ZZEF1: variants seen among roughly 807,000 people sequenced by gnomAD.
ZZEF1 encodes zinc finger ZZ-type and EF-hand domain containing 1.
A neutral mutation model predicts 342.8 loss-of-function variants in ZZEF1; 157 were observed. That is an observed-to-expected ratio of 0.46 (90% CI 0.40 to 0.52). The LOEUF is 0.52. Ranked by LOEUF, ZZEF1 falls within the 20% of genes least tolerant of loss-of-function variation. ZZEF1 has a pLI of 0.00. For synonymous variants in ZZEF1, 1,505 were observed against 1,429.1 expected (o/e 1.05, Z -1.20); for missense variants, 3,480 against 3,725.6 (o/e 0.93, Z 1.72).
chr17:4,035,134 C>T (rs1271178931), intron 39 of ZZEF1, among the ~76,000 whole-genome samples: 1 of 152,112 alleles, frequency 6.6e-6, no homozygotes, highest in Non-Finnish European at 1.5e-5. Context: ...TACTTTGTTT[C>T]CAGTTCTTCA....
chr17:4,121,741 T>C (rs912258412), intron 2 of ZZEF1, among the ~76,000 whole-genome samples: 3 of 150,762 alleles, frequency 2.0e-5, no homozygotes, highest in Non-Finnish European at 4.4e-5. Context: ...TTTTTTTTTT[T>C]GAGACAGGGT....
rs765637454 is a variant in ZZEF1 at position 4,075,195 on chromosome 17, T to A, written c.3402-17A>T. The A allele has an allele frequency of 6.2e-7, 1 of 1,613,826 alleles. No homozygotes were observed. Among genetic ancestry groups the A allele is most frequent in the African/African-American group, 1.3e-5 (1 of 74,924 alleles). ...TAATCATACCTGTGAAGGCATAACC[T>A]CTATTAGCTTCCTTCTCTCATTGCT... On this transcript the variant is annotated splice_polypyrimidine_tract_variant and intron_variant, in intron 22 of 54. Coordinates refer to ENST00000381638, the MANE Select transcript of ZZEF1 (RefSeq NM_015113.4).
chr17:4,121,362 G>A (rs1341519835), intron 2 of ZZEF1, among the ~76,000 whole-genome samples: 2 of 152,188 alleles, frequency 1.3e-5, no homozygotes, highest in East Asian at 1.9e-4. Context: ...AGTGGCTCAC[G>A]CCTGTAATCC....
intron 52 of ZZEF1, among the ~76,000 whole-genome samples, chr17:4,010,716 T>A (rs1393054188): frequency 2.9e-5 from 1 of 34,772 alleles, no homozygotes; most frequent in African/African-American, 1.8e-4. Context: ...CAGTGTGAGA[T>A]TCCGTCTCAA....
At chr17:4,019,597 G>A (rs2056212073) in intron 46 of ZZEF1, 72 bp downstream of exon 46, 3 of 1,356,226 alleles carry the variant, frequency 2.2e-6, no homozygotes, top group Non-Finnish European at 3.1e-6. Context: ...CTGCTGCCAG[G>A]AGGCGCACAC....
At chr17:4,133,448 G>A (rs1427534651) in intron 1 of ZZEF1, among the ~76,000 whole-genome samples, 2 of 152,072 alleles carry the variant, frequency 1.3e-5, no homozygotes, top group East Asian at 1.9e-4. Flanking sequence ...CTTACCATCT[G>A]AAGACCAAAT....
rs755680354 is a variant in ZZEF1 at position 4,075,055 on chromosome 17, T to C, written c.3483+42A>G. The C allele has an allele frequency of 2.1e-5, 34 of 1,598,018 alleles. 1 individual carries two copies. Among genetic ancestry groups the C allele is most frequent in the South Asian group, 2.1e-4 (19 of 90,396 alleles). Reference sequence around the variant, plus strand: ...CTGAAGGCTGACAAAAGGAAAAGCATTGGTGCAGAAGTAGGTACCTCTTTC... The same window carrying C: ...CTGAAGGCTGACAAAAGGAAAAGCACTGGTGCAGAAGTAGGTACCTCTTTC... On this transcript the variant is annotated intron_variant, in intron 23 of 54. Coordinates refer to ENST00000381638, the MANE Select transcript of ZZEF1 (RefSeq NM_015113.4).
chr17:4,049,125 T>G (rs1226944883), intron 37 of ZZEF1, among the ~76,000 whole-genome samples: 1 of 152,194 alleles, frequency 6.6e-6, no homozygotes, highest in Non-Finnish European at 1.5e-5. Context: ...TTCTAAGCAC[T>G]TGACATACAG....
intron 19 of ZZEF1, 126 bp downstream of exon 19, chr17:4,077,757 C>A: frequency 1.9e-6 from 2 of 1,038,470 alleles, no homozygotes; most frequent in Non-Finnish European, 2.8e-6. Flanking sequence ...CCAAACCAGT[C>A]CAAGAATCTG....
chr17:4,021,937 T>C (rs879415221), intron 44 of ZZEF1, among the ~76,000 whole-genome samples: 1 of 151,770 alleles, frequency 6.6e-6, no homozygotes, highest in Non-Finnish European at 1.5e-5. Context: ...TGGAGGGTTT[T>C]TTTTTTTCTT....
chr17:4,118,306 G>A (rs1277434503), intron 2 of ZZEF1, among the ~76,000 whole-genome samples: 1 of 152,284 alleles, frequency 6.6e-6, no homozygotes, highest in Non-Finnish European at 1.5e-5. Context: ...CAGGTCACAC[G>A]GTAAATTGCT....
chr17:4,097,720 T>C (rs2058061314), intron 9 of ZZEF1, among the ~76,000 whole-genome samples: 1 of 152,050 alleles, frequency 6.6e-6, no homozygotes, highest in Non-Finnish European at 1.5e-5. Context: ...TTAGCATTCT[T>C]GTTAGTCTAC....
At chr17:4,022,282 C>G (rs2056291597) in intron 44 of ZZEF1, 1 of 157,838 alleles carries the variant, frequency 6.3e-6, no homozygotes, top group African/African-American at 2.4e-5. Context: ...AGTAGTTCCG[C>G]TAAGAAAACT....
At chr17:4,057,324 C>T (rs2057184337) in intron 32 of ZZEF1, among the ~76,000 whole-genome samples, 1 of 152,334 alleles carries the variant, frequency 6.6e-6, no homozygotes, top group East Asian at 1.9e-4. Context: ...ATTCTGTCCC[C>T]TTTTCCCTTG....
At chr17:4,078,624 A>C (rs577950858) in intron 18 of ZZEF1, among the ~76,000 whole-genome samples, 1 of 152,358 alleles carries the variant, frequency 6.6e-6, no homozygotes, top group South Asian at 2.1e-4. Flanking sequence ...GCAGGAAGAG[A>C]GTGAGCCATG....
At chr17:4,138,848 C>T (rs1189283022) in intron 1 of ZZEF1, among the ~76,000 whole-genome samples, 2 of 152,214 alleles carry the variant, frequency 1.3e-5, no homozygotes, top group Non-Finnish European at 2.9e-5. Context: ...CTCTACATGG[C>T]AGTTAATTAA....
At chr17:4,064,145 T>C (rs895973774) in intron 29 of ZZEF1, among the ~76,000 whole-genome samples, 3 of 151,674 alleles carry the variant, frequency 2.0e-5, no homozygotes, top group Admixed American at 2.0e-4. Flanking sequence ...CCTCCCAAAC[T>C]GCTGAGATTA....
At chr17:4,078,220 CT>C (rs1453408590) in intron 18 of ZZEF1, among the ~76,000 whole-genome samples, 178 bp from the exon 19 acceptor site, 1 of 152,210 alleles carries the variant, frequency 6.6e-6, no homozygotes, top group African/African-American at 2.4e-5. Flanking sequence ...GAAAACTCCC[CT>C]TTCCCTCCAG....
At chr17:4,075,514 C>CT (rs1704387440) in intron 21 of ZZEF1, 85 bp from the exon 22 acceptor site, 6 of 1,494,158 alleles carry the variant, frequency 4.0e-6, no homozygotes. Context: ...TCTATCAGTG[C>CT]TCCAGGCAGA....
Sources: allele counts gnomAD v4.1 joint callset (sites outside exome capture counted in the v4.1 genomes callset), GRCh38; gene constraint gnomAD v4.1.1; transcripts MANE v1.5; gene names NCBI Gene and HGNC (gene_info 2026-07-23, HGNC 2026-07-21).